RFX3: variants seen among roughly 807,000 people sequenced by gnomAD.
RFX3 encodes regulatory factor X3, also known as transcription factor RFX3.
Under a neutral mutation model 98.6 loss-of-function variants are expected in RFX3, and 14 were observed. That is an observed-to-expected ratio of 0.14 (90% CI 0.09 to 0.22). The LOEUF (loss-of-function observed/expected upper bound fraction) is 0.22. Ranked by LOEUF, RFX3 falls within the 10% of genes least tolerant of loss-of-function variation. RFX3 has a pLI of 1.00. For synonymous variants in RFX3, 383 were observed against 328.4 expected (o/e 1.17, Z -1.80); for missense variants, 639 against 926.9 (o/e 0.69, Z 4.03).
intron 1 of RFX3, among the ~76,000 whole-genome samples, chr9:3,460,873 A>G (rs1257610745): frequency 6.6e-6 from 1 of 151,886 alleles, no homozygotes; most frequent in Non-Finnish European, 1.5e-5. Context: ...CTAACAACAT[A>G]TTATTTTTAT....
At chr9:3,283,498 C>A (rs1291872432) in intron 7 of RFX3, among the ~76,000 whole-genome samples, 1 of 151,662 alleles carries the variant, frequency 6.6e-6, no homozygotes, top group Non-Finnish European at 1.5e-5. Context: ...TTTTCCAATT[C>A]TAAATATAGG....
chr9:3,283,858 G>A (rs530798786), intron 7 of RFX3, among the ~76,000 whole-genome samples: 24 of 92,076 alleles, frequency 2.6e-4, no homozygotes, highest in South Asian at 2.4e-3. Flanking sequence ...ATTTTATTAC[G>A]TGTATTTCTG....
chr9:3,383,748 G>C (rs1257542072), intron 2 of RFX3, among the ~76,000 whole-genome samples: 1 of 152,110 alleles, frequency 6.6e-6, no homozygotes, highest in Non-Finnish European at 1.5e-5. Flanking sequence ...CACAAGTTTT[G>C]TTTTGTTTTA....
intron 15 of RFX3, among the ~76,000 whole-genome samples, chr9:3,236,473 G>C (rs1446554423): frequency 6.6e-6 from 1 of 152,198 alleles, no homozygotes; most frequent in East Asian, 1.9e-4. Context: ...GATATATCCT[G>C]GTCCTCTGGA....
At chr9:3,250,436 TA>T (rs1443806232) in intron 14 of RFX3, among the ~76,000 whole-genome samples, 1 of 152,072 alleles carries the variant, frequency 6.6e-6, no homozygotes, top group Non-Finnish European at 1.5e-5. Context: ...ATATAATCTA[TA>T]AAGCTGTCAG....
At chr9:3,251,552 C>A (rs12004313) in intron 14 of RFX3, among the ~76,000 whole-genome samples, 78 of 151,626 alleles carry the variant, frequency 5.1e-4, no homozygotes, top group African/African-American at 1.9e-3. Flanking sequence ...AGGCTGGTCT[C>A]GAACTCCTGG....
intron 13 of RFX3, among the ~76,000 whole-genome samples, chr9:3,259,362 T>C (rs916506027): frequency 6.6e-6 from 1 of 152,066 alleles, no homozygotes; most frequent in Non-Finnish European, 1.5e-5. Flanking sequence ...CAAACTACTT[T>C]ATATTATACT....
At chr9:3,479,381 C>CA (rs1330502933) in intron 1 of RFX3, among the ~76,000 whole-genome samples, 5 of 150,890 alleles carry the variant, frequency 3.3e-5, no homozygotes, top group South Asian at 4.2e-4. Context: ...AGATCTTAAC[C>CA]AAAAAAAACA....
At chr9:3,283,712 AAAG>A (rs1448448344) in intron 7 of RFX3, among the ~76,000 whole-genome samples, 2 of 151,794 alleles carry the variant, frequency 1.3e-5, no homozygotes, top group African/African-American at 2.4e-5. Context: ...ACATCCTGTG[AAAG>A]AAAGGTTTAT....
intron 1 of RFX3, among the ~76,000 whole-genome samples, chr9:3,423,764 GTATTA>G (rs1843659990): frequency 9.8e-6 from 1 of 102,428 alleles, no homozygotes; most frequent in Non-Finnish European, 2.0e-5. Flanking sequence ...TTCATTTTAT[GTATTA>G]TATATTTTCA....
intron 1 of RFX3, among the ~76,000 whole-genome samples, chr9:3,426,007 C>T (rs1282173958): frequency 6.6e-6 from 1 of 151,992 alleles, no homozygotes; most frequent in Non-Finnish European, 1.5e-5. Context: ...TTTATTAAAA[C>T]AAACCAAAAA....
intron 1 of RFX3, among the ~76,000 whole-genome samples, chr9:3,447,161 A>G (rs1166349990): frequency 1.3e-5 from 2 of 152,158 alleles, no homozygotes; most frequent in African/African-American, 4.8e-5. Flanking sequence ...CATTATAGCA[A>G]TAACATTTTG....
chr9:3,508,915 C>T (rs1817390015), intron 1 of RFX3, among the ~76,000 whole-genome samples: 1 of 151,532 alleles, frequency 6.6e-6, no homozygotes, highest in Non-Finnish European at 1.5e-5. Flanking sequence ...GAAACTAATT[C>T]AAGTCTGAGC....
At chr9:3,467,154 T>C (rs1394130459) in intron 1 of RFX3, among the ~76,000 whole-genome samples, 1 of 124,952 alleles carries the variant, frequency 8.0e-6, no homozygotes, top group South Asian at 2.3e-4. Context: ...ACATAATATA[T>C]ATGTATATAC....
chr9:3,485,979 C>G (rs897755541), intron 1 of RFX3, among the ~76,000 whole-genome samples: 6 of 151,870 alleles, frequency 4.0e-5, no homozygotes, highest in African/African-American at 1.2e-4. Context: ...ACAAAATTAG[C>G]CAGGCATGGT....
At chr9:3,443,685 T>C (rs1234270215) in intron 1 of RFX3, among the ~76,000 whole-genome samples, 2 of 152,228 alleles carry the variant, frequency 1.3e-5, no homozygotes, top group Non-Finnish European at 2.9e-5. Flanking sequence ...TGTATCTTTA[T>C]AATAGAATGA....
intron 15 of RFX3, among the ~76,000 whole-genome samples, chr9:3,230,418 T>A (rs1200584085): frequency 2.0e-5 from 3 of 152,184 alleles, no homozygotes; most frequent in African/African-American, 7.2e-5. Flanking sequence ...ACCTAATACA[T>A]CCCACGGGGC....
intron 1 of RFX3, chr9:3,400,271 T>A: frequency 3.4e-6 from 3 of 894,698 alleles, no homozygotes; most frequent in Non-Finnish European, 4.0e-6. Context: ...AGTTGTCAAC[T>A]ACTTAATAGG....
rs375657749 is a variant in RFX3, at chr9:3,439,662, A to T, written c.-8-44066T>A. On this transcript the variant is annotated intron_variant, in intron 1 of 16. Coordinates refer to ENST00000617270, the MANE Select transcript of RFX3 (RefSeq NM_001282116.2). Reference sequence around the variant, plus strand: ...GAATTTGTAATTCAAAAACCTTCCCACAAGGAAAACTCCGGCTCAAATGAC... The same window carrying T: ...GAATTTGTAATTCAAAAACCTTCCCTCAAGGAAAACTCCGGCTCAAATGAC... Among the ~76,000 whole-genome samples the T allele has an allele frequency of 6.3e-4, 96 of 152,146 alleles. 3 individuals carry two copies. The South Asian group carries it at 0.02, about 31-fold the overall frequency.
Sources: gnomAD v4.1 joint callset for allele counts (sites outside exome capture counted in the v4.1 genomes callset) on GRCh38, gnomAD v4.1.1 for gene constraint, MANE v1.5 for transcripts, NCBI Gene and HGNC (gene_info 2026-07-23, HGNC 2026-07-21) for gene names.